Variants in SVIL observed in about 807,000 individuals in gnomAD.
The protein encoded by SVIL is archvillin.
A neutral mutation model predicts 240.4 loss-of-function variants in SVIL; 101 were observed. That is an observed-to-expected ratio of 0.42 (90% CI 0.36 to 0.50). The LOEUF (loss-of-function observed/expected upper bound fraction) is 0.50. Among genes scored for constraint, SVIL ranks in the 20% least tolerant of loss-of-function variants. The pLI is 0.01. For synonymous variants in SVIL, 999 were observed against 1,100.0 expected (o/e 0.91, Z 1.82); for missense variants, 2,512 against 2,818.7 (o/e 0.89, Z 2.46).
chr10:29,500,614 A>C (rs963331077), intron 17 of SVIL, among the ~76,000 whole-genome samples: 1 of 152,190 alleles, frequency 6.6e-6, no homozygotes, highest in African/African-American at 2.4e-5. Context: ...GATTGCTGCT[A>C]GCGCATCTGC....
At chr10:29,478,429 AT>A (rs1946442598) in intron 29 of SVIL, among the ~76,000 whole-genome samples, 2 of 152,296 alleles carry the variant, frequency 1.3e-5, no homozygotes, top group Admixed American at 1.3e-4. Flanking sequence ...TATATACCTG[AT>A]TATAAAGTCC....
At chr10:29,529,175 C>CAGAAAAAAA (rs1491188568) in intron 12 of SVIL, among the ~76,000 whole-genome samples, 32 of 66,058 alleles carry the variant, frequency 4.8e-4, no homozygotes, top group African/African-American at 1.5e-3. Flanking sequence ...GACTCTCTCT[C>CAGAAAAAAA]AAAAAAAAAA....
Position 29,530,766 on chromosome 10 carries a change from C to T in SVIL, c.2045-98G>A, listed in dbSNP as rs754094878. On this transcript the variant is annotated intron_variant, in intron 10 of 37. Coordinates refer to ENST00000355867, the MANE Select transcript of SVIL (RefSeq NM_021738.3). Reference sequence around the variant, plus strand: ...GGGCTGACCTGGAAATCTTTGAATACAACAATAGGTGCACTAAAATAATAA... The same window carrying T: ...GGGCTGACCTGGAAATCTTTGAATATAACAATAGGTGCACTAAAATAATAA... The T allele has an allele frequency of 1.8e-4, 228 of 1,273,122 alleles. 1 individual carries two copies. The highest frequency in any genetic ancestry group is 2.5e-4 in the Non-Finnish European group (217 of 879,832). 78.9% of individuals were successfully genotyped at this position (1,273,122 alleles called of 1,614,324 possible).
intron 1 of SVIL, among the ~76,000 whole-genome samples, chr10:29,574,330 T>G (rs1311623587): frequency 1.3e-5 from 2 of 152,170 alleles, no homozygotes; most frequent in Non-Finnish European, 2.9e-5. Context: ...GCATGTCATG[T>G]AACATGGTCA....
In SVIL at chr10:29,525,441, C is replaced by T. The variant is rs9417701; in HGVS notation, c.2343-726G>A. On this transcript the variant is annotated intron_variant, in intron 13 of 37. Coordinates refer to ENST00000355867, the MANE Select transcript of SVIL (RefSeq NM_021738.3). ...CTAGCCTGGGCAACATCGTGAAACC[C>T]CATCTCTACAAAAAATATAAAAATT... 4.9e-3 allele frequency among the ~76,000 whole-genome samples: 751 copies of T among 152,168 alleles called. 2 individuals carry two copies. The highest frequency in any genetic ancestry group is 0.017 in the African/African-American group (709 of 41,510).
chr10:29,488,537 C>G (rs1947648117), intron 23 of SVIL, 64 bp downstream of exon 23: 1 of 1,453,724 alleles, frequency 6.9e-7, no homozygotes, highest in Non-Finnish European at 9.0e-7. Context: ...AGAGTCAGGA[C>G]TCCGTATGGG....
Position 29,463,486 on chromosome 10 carries a change from C to G in SVIL, c.6277+6G>C, listed in dbSNP as rs927615918. The G allele has an allele frequency of 1.2e-6, 2 of 1,613,082 alleles. No homozygotes were observed. The highest frequency in any genetic ancestry group is 2.7e-5 in the African/African-American group (2 of 74,900). On this transcript the variant is annotated splice_donor_region_variant and intron_variant, in intron 35 of 37. Coordinates refer to ENST00000355867, the MANE Select transcript of SVIL (RefSeq NM_021738.3). ...CGTGCTGCAGGCATGTTAGAGGGAGCCTCACCTTTGCAGTACTGGAGCACA... is the reference window on the plus strand; with the variant it reads ...CGTGCTGCAGGCATGTTAGAGGGAGGCTCACCTTTGCAGTACTGGAGCACA...
intron 1 of SVIL, among the ~76,000 whole-genome samples, chr10:29,633,603 T>G (rs1958195463): frequency 6.6e-6 from 1 of 152,172 alleles, no homozygotes; most frequent in African/African-American, 2.4e-5. Context: ...TCTGTTTTCC[T>G]ACCTGGTAAA....
intron 6 of SVIL, among the ~76,000 whole-genome samples, chr10:29,546,103 T>C (rs1409306797): frequency 6.6e-6 from 1 of 152,184 alleles, no homozygotes; most frequent in Admixed American, 6.5e-5. Context: ...ACAAGAGCTT[T>C]GGATTCGGAA....
At chr10:29,556,632 G>T (rs1053227387) in intron 3 of SVIL, among the ~76,000 whole-genome samples, 1 of 152,172 alleles carries the variant, frequency 6.6e-6, no homozygotes, top group Non-Finnish European at 1.5e-5. Flanking sequence ...CTCCCAGTTG[G>T]CCTCCCCAGG....
intron 1 of SVIL, among the ~76,000 whole-genome samples, chr10:29,586,196 A>T (rs1329226527): frequency 6.6e-6 from 1 of 152,214 alleles, no homozygotes; most frequent in Non-Finnish European, 1.5e-5. Context: ...TGAAGAGAAC[A>T]AAAAGGAGAG....
In SVIL at chr10:29,464,360, G is replaced by A. The variant is rs146532570; in HGVS notation, c.6134-725C>T. The stretch of plus-strand genomic sequence containing the variant: ...AAGCTAAGGAGAGAGGATCGCTTGA[G>A]CCCAAGAGTTAGAGGCTGCAGTGAG... On this transcript the variant is annotated intron_variant, in intron 34 of 37. Transcript: ENST00000355867. 3.8e-3 allele frequency among the ~76,000 whole-genome samples: 584 copies of A among 152,270 alleles called. 1 individual carries two copies. The highest frequency in any genetic ancestry group is 7.4e-3 in the Non-Finnish European group (506 of 68,026).
Position 29,735,331 on chromosome 10 carries a change from T to G in SVIL, c.-400+420A>C, listed in dbSNP as rs990432897. ...AAGGAACCGGGCGATGTCGTAGTTC[T>G]GATCACTGGCGCGCCACTCCCCGGG... On this transcript the variant is annotated intron_variant, in intron 1 of 35. Transcript: ENST00000375400. The surrounding 1 kb of genome is among the most constrained non-coding windows in gnomAD (Gnocchi z 4.1). Among the ~76,000 whole-genome samples the G allele has an allele frequency of 6.6e-5, 10 of 151,426 alleles. No individual in the cohort carries two copies. The highest frequency in any genetic ancestry group is 6.6e-4 in the Admixed American group (10 of 15,264).
intron 3 of SVIL, among the ~76,000 whole-genome samples, chr10:29,647,559 T>C (rs991921322): frequency 6.6e-6 from 1 of 152,240 alleles, no homozygotes; most frequent in African/African-American, 2.4e-5. Context: ...AACCTCTTAC[T>C]TGATTGTATT....
At chr10:29,721,538 CAAA>C (rs34892414) in intron 1 of SVIL, among the ~76,000 whole-genome samples, 1 of 145,040 alleles carries the variant, frequency 6.9e-6, no homozygotes, top group Admixed American at 6.8e-5. Flanking sequence ...AACACCAATC[CAAA>C]AAAAAAAAAG....
intron 6 of SVIL, chr10:29,545,008 C>T: frequency 3.7e-6 from 2 of 534,550 alleles, no homozygotes; most frequent in Non-Finnish European, 7.7e-6. Context: ...TATGTTTCTC[C>T]ATGATGCACT....
chr10:29,521,536 G>A (rs1950563764), intron 16 of SVIL, among the ~76,000 whole-genome samples: 4 of 151,944 alleles, frequency 2.6e-5, no homozygotes, highest in Admixed American at 2.6e-4. Flanking sequence ...AATTTATGTG[G>A]TGCATGAGAA....
intron 16 of SVIL, among the ~76,000 whole-genome samples, chr10:29,520,680 G>C (rs1025497597): frequency 6.6e-6 from 1 of 152,124 alleles, no homozygotes; most frequent in South Asian, 2.1e-4. Flanking sequence ...GGCTGAGGTG[G>C]GAGGACTGTT....
chr10:29,666,346 T>C (rs1314433413), intron 2 of SVIL, among the ~76,000 whole-genome samples: 1 of 152,254 alleles, frequency 6.6e-6, no homozygotes, highest in East Asian at 1.9e-4. Context: ...TAAATCTATA[T>C]GCCTTTTAAT....
Sources: allele counts gnomAD v4.1 joint callset (sites outside exome capture counted in the v4.1 genomes callset), GRCh38; gene constraint gnomAD v4.1.1; non-coding constraint Gnocchi (gnomAD v3.1); transcripts MANE v1.5; gene names NCBI Gene and HGNC (gene_info 2026-07-23, HGNC 2026-07-21).